CNTNAP2: variants seen among roughly 807,000 people sequenced by gnomAD.
CNTNAP2 encodes contactin associated protein 2.
Under a neutral mutation model 155.2 loss-of-function variants are expected in CNTNAP2, and 98 were observed. The observed-to-expected ratio is 0.63, with a 90% CI of 0.54 to 0.75. CNTNAP2 has a LOEUF of 0.75. Ranked by LOEUF, CNTNAP2 falls within the 30% of genes least tolerant of loss-of-function variation. The probability of loss-of-function intolerance (pLI) is 0.00; values close to 1 mark genes in which losing one functional copy is unlikely to be tolerated. For missense variants in CNTNAP2, 1,727 were observed against 1,688.1 expected (o/e 1.02, Z -0.40); for synonymous variants, 651 against 631.2 (o/e 1.03, Z -0.47).
At chr7:146,893,113 T>A (rs774114629) in intron 3 of CNTNAP2, among the ~76,000 whole-genome samples, 1 of 152,216 alleles carries the variant, frequency 6.6e-6, no homozygotes, top group Admixed American at 6.5e-5. Context: ...TTATTTTATA[T>A]CTCTTGCATT....
intron 10 of CNTNAP2, among the ~76,000 whole-genome samples, chr7:147,481,901 AAAAATT>A (rs1483431303): frequency 6.6e-6 from 1 of 152,208 alleles, no homozygotes; most frequent in Non-Finnish European, 1.5e-5. Flanking sequence ...TGGCTACTAA[AAAAATT>A]AGTTTATTAG....
chr7:148,137,685 G>T (rs1214980587), intron 16 of CNTNAP2, among the ~76,000 whole-genome samples: 1 of 104,400 alleles, frequency 9.6e-6, no homozygotes, highest in African/African-American at 3.8e-5. Flanking sequence ...AGGAAGGAAG[G>T]AAGGAAGGAA....
At chr7:146,467,140 G>T (rs1796727829) in intron 1 of CNTNAP2, among the ~76,000 whole-genome samples, 1 of 152,030 alleles carries the variant, frequency 6.6e-6, no homozygotes, top group Admixed American at 6.6e-5. Context: ...AAGAATTTAT[G>T]AACTCTATCA....
chr7:147,451,211 C>A (rs748056860), intron 10 of CNTNAP2, among the ~76,000 whole-genome samples: 2 of 152,124 alleles, frequency 1.3e-5, no homozygotes, highest in Non-Finnish European at 2.9e-5. Flanking sequence ...TGCATAGAAA[C>A]AAGAGCCCAC....
At chr7:147,618,943 T>A (rs1801343947) in intron 12 of CNTNAP2, among the ~76,000 whole-genome samples, 1 of 152,164 alleles carries the variant, frequency 6.6e-6, no homozygotes, top group African/African-American at 2.4e-5. Context: ...AATGTGCTCA[T>A]GTCAACATGA....
intron 21 of CNTNAP2, among the ~76,000 whole-genome samples, chr7:148,285,283 T>G (rs1298113744): frequency 1.3e-5 from 2 of 152,246 alleles, no homozygotes; most frequent in African/African-American, 4.8e-5. Context: ...AAGATAATCT[T>G]CTAAAAGAAG....
intron 14 of CNTNAP2, among the ~76,000 whole-genome samples, chr7:147,966,478 G>T (rs1333283066): frequency 6.6e-6 from 1 of 152,000 alleles, no homozygotes; most frequent in Non-Finnish European, 1.5e-5. Flanking sequence ...AATTGTCCAG[G>T]TTTAGAAATT....
rs548501766 is a variant in CNTNAP2 at position 146,331,472 on chromosome 7, A to G, written c.97+214499A>G. ...CTTTGAACATCAGAGAGCAGTCAGA[A>G]CTGGAGAATCTACTTGCAGATGAGG... is the stretch of plus-strand genomic sequence containing the variant. On this transcript the variant is annotated intron_variant, in intron 1 of 23. Coordinates refer to ENST00000361727, the MANE Select transcript of CNTNAP2 (RefSeq NM_014141.6). Among the ~76,000 whole-genome samples, 329 of 152,248 alleles carry G rather than the reference A, an allele frequency of 2.2e-3. 2 individuals carry two copies. Among genetic ancestry groups the G allele is most frequent in the African/African-American group, 7.3e-3 (305 of 41,550 alleles).
chr7:147,637,610 T>C (rs10258277), intron 12 of CNTNAP2, among the ~76,000 whole-genome samples: 3,122 of 152,262 alleles, frequency 0.021, 110 homozygotes, highest in African/African-American at 0.07. Context: ...TATTGGTCTA[T>C]AGAGTTTCCC....
chr7:146,266,803 ATGTT>A (rs142758981), intron 1 of CNTNAP2, among the ~76,000 whole-genome samples: 1 of 152,162 alleles, frequency 6.6e-6, no homozygotes, highest in Non-Finnish European at 1.5e-5. Flanking sequence ...GGAAAAAAAA[ATGTT>A]TGTTTACTCA....
intron 8 of CNTNAP2, among the ~76,000 whole-genome samples, chr7:147,275,724 G>A (rs1584838589): frequency 6.6e-6 from 1 of 152,026 alleles, no homozygotes; most frequent in African/African-American, 2.4e-5. Context: ...TTGAGGGTGG[G>A]CATCCTTGTC....
intron 1 of CNTNAP2, among the ~76,000 whole-genome samples, chr7:146,547,874 G>A (rs571097298): frequency 9.3e-5 from 14 of 150,354 alleles, no homozygotes; most frequent in African/African-American, 2.2e-4. Context: ...ACCTTAATAC[G>A]GTTTCCGTAG....
intron 21 of CNTNAP2, among the ~76,000 whole-genome samples, chr7:148,307,025 T>C (rs1443621607): frequency 6.6e-6 from 1 of 152,142 alleles, no homozygotes; most frequent in African/African-American, 2.4e-5. Context: ...GATTGAAAGC[T>C]CCAGAGAAGA....
chr7:147,315,853 G>C (rs1474245939), intron 9 of CNTNAP2, among the ~76,000 whole-genome samples: 2 of 151,904 alleles, frequency 1.3e-5, no homozygotes, highest in Non-Finnish European at 2.9e-5. Context: ...CATTTAGCAT[G>C]TTTTCAACCT....
At chr7:146,679,599 C>T (rs1800466566) in intron 1 of CNTNAP2, among the ~76,000 whole-genome samples, 1 of 152,128 alleles carries the variant, frequency 6.6e-6, no homozygotes, top group African/African-American at 2.4e-5. Flanking sequence ...TCATGATCCG[C>T]CTGCCTTGGC....
intron 1 of CNTNAP2, among the ~76,000 whole-genome samples, chr7:146,486,349 C>G (rs187031637): frequency 6.6e-6 from 1 of 152,246 alleles, no homozygotes; most frequent in Non-Finnish European, 1.5e-5. Flanking sequence ...CAGGCGTGAG[C>G]AACAGCGCCC....
At chr7:146,711,534 T>G (rs1801072494) in intron 1 of CNTNAP2, among the ~76,000 whole-genome samples, 1 of 149,192 alleles carries the variant, frequency 6.7e-6, no homozygotes. Context: ...GACATAACTA[T>G]TTGCTTTTGA....
chr7:146,313,930 C>T (rs962553112), intron 1 of CNTNAP2, among the ~76,000 whole-genome samples: 2 of 151,910 alleles, frequency 1.3e-5, no homozygotes, highest in Non-Finnish European at 2.9e-5. Flanking sequence ...ACCCGTGAAG[C>T]GGAGGTTGCA....
chr7:147,889,788 C>T (rs950066442), intron 13 of CNTNAP2, among the ~76,000 whole-genome samples: 15 of 152,212 alleles, frequency 9.9e-5, no homozygotes, highest in East Asian at 5.8e-4. Flanking sequence ...TAAATAGCTG[C>T]GTGTGGCTAT....
Sources: allele counts gnomAD v4.1 joint callset (sites outside exome capture counted in the v4.1 genomes callset), GRCh38; gene constraint gnomAD v4.1.1; transcripts MANE v1.5; gene names NCBI Gene and HGNC (gene_info 2026-07-23, HGNC 2026-07-21).